PBX1: variants seen among roughly 807,000 people sequenced by gnomAD.
The protein encoded by PBX1 is PBX homeobox 1.
A neutral mutation model predicts 53.4 loss-of-function variants in PBX1; 6 were observed. That is an observed-to-expected ratio of 0.11 (90% CI 0.06 to 0.22). The LOEUF (loss-of-function observed/expected upper bound fraction) is 0.22, where lower values mean the gene tolerates loss of function less well. PBX1 is among the 10% of genes least tolerant of loss of function. PBX1 has a pLI of 1.00. For synonymous variants in PBX1, 204 were observed against 212.3 expected, an observed-to-expected ratio of 0.96 and a Z score of 0.34; for missense variants, 251 against 551.4, an observed-to-expected ratio of 0.46 and a Z score of 5.46.
intron 3 of PBX1, among the ~76,000 whole-genome samples, chr1:164,793,872 C>CTTTTTTTTTTTTTTTTTTTTTTTT (rs72414989): frequency 7.7e-5 from 6 of 78,212 alleles, no homozygotes; most frequent in Non-Finnish European, 9.9e-5. Flanking sequence ...TTTTTCCTTT[C>CTTTTTTTTTTTTTTTTTTTTTTTT]TTTTTTTTTT....
chr1:164,850,930 G>A lies in PBX1; in HGVS notation c.*4254G>A, dbSNP rs187111912. 1.4e-5 allele frequency: 3 copies of A among 212,786 alleles called. No homozygotes were observed. Among genetic ancestry groups the A allele is most frequent in the Non-Finnish European group, 2.9e-5 (3 of 105,152 alleles). The allele number at this position is 212,786 out of a possible 1,614,324, so 13.2% of individuals were successfully genotyped here. ...CATGAGGCCTCTTCCAACCAAAGAG[G>A]CCTTTTCTTCCAGGAGAGTCCCGCA... On this transcript the variant is annotated 3_prime_UTR_variant, in exon 9 of 9. Transcript: ENST00000420696.
intron 2 of PBX1, among the ~76,000 whole-genome samples, chr1:164,606,839 A>C (rs1656593176): frequency 6.6e-6 from 1 of 152,252 alleles, no homozygotes; most frequent in South Asian, 2.1e-4. Context: ...ACTAATATTA[A>C]TACTGCCTTA....
Position 164,780,193 on chromosome 1 carries a change from C to T in PBX1, c.266-12301C>T, listed in dbSNP as rs753964473. Among the ~76,000 whole-genome samples the T allele has an allele frequency of 5.3e-5, 8 of 152,054 alleles. No homozygotes were observed. In the East Asian group the frequency reaches 1.2e-3, roughly 22 times the overall value. ...AGACCCCCTGCTCTCCCCAAATTCC[C>T]GATTTTACCAGCATGTAAAAGCAAG... On this transcript the variant is annotated intron_variant, in intron 2 of 8. Transcript: ENST00000420696.
chr1:164,843,448 T>G (rs1009904259), intron 8 of PBX1, among the ~76,000 whole-genome samples: 1 of 152,126 alleles, frequency 6.6e-6, no homozygotes, highest in African/African-American at 2.4e-5. Flanking sequence ...GATCTGAGAC[T>G]TTAGGTACTA....
At chr1:164,664,115 T>C (rs1009162317) in intron 2 of PBX1, among the ~76,000 whole-genome samples, 4 of 152,220 alleles carry the variant, frequency 2.6e-5, no homozygotes, top group African/African-American at 9.6e-5. Flanking sequence ...TGTCTGTCTG[T>C]TCAAGAGAAG....
chr1:164,623,471 A>G (rs1657825682), intron 2 of PBX1, among the ~76,000 whole-genome samples: 1 of 152,246 alleles, frequency 6.6e-6, no homozygotes. Flanking sequence ...TCTTCTGCTT[A>G]GAGCCTTGCC....
At chr1:164,671,434 T>G (rs1033680331) in intron 2 of PBX1, among the ~76,000 whole-genome samples, 1 of 152,246 alleles carries the variant, frequency 6.6e-6, no homozygotes, top group South Asian at 2.1e-4. Context: ...TGGGCAAACT[T>G]TGTGTGTGAG....
chr1:164,878,332 A>T (rs1231031835), intron 2 of PBX1, among the ~76,000 whole-genome samples: 2 of 152,220 alleles, frequency 1.3e-5, no homozygotes, highest in East Asian at 3.8e-4. Flanking sequence ...ATTAAAATAA[A>T]TTTTTAAAAA....
At chr1:164,681,527 C>T (rs879593582) in intron 2 of PBX1, among the ~76,000 whole-genome samples, 43 of 152,262 alleles carry the variant, frequency 2.8e-4, no homozygotes, top group Admixed American at 7.2e-4. Context: ...TTCAAAGATA[C>T]ATCATCACAG....
chr1:164,755,875 A>G (rs1666487032), intron 2 of PBX1, among the ~76,000 whole-genome samples: 1 of 151,826 alleles, frequency 6.6e-6, no homozygotes, highest in South Asian at 2.1e-4. Flanking sequence ...AGCTGCCAAC[A>G]TGGCTTTCTC....
chr1:164,864,539 A>C lies in PBX1; in HGVS notation n.257+33056A>C, dbSNP rs146320381. Among the ~76,000 whole-genome samples, 149 of 152,294 alleles carry C rather than the reference A, an allele frequency of 9.8e-4. 1 individual carries two copies. Among genetic ancestry groups the C allele is most frequent in the African/African-American group, 3.5e-3 (144 of 41,558 alleles). The stretch of plus-strand genomic sequence containing the variant: ...CCCATCCCCAACCCCAACTGTCTTC[A>C]GATGGAACAGATTTTTCATAGGTAA... On this transcript the variant is annotated intron_variant and non_coding_transcript_variant, in intron 2 of 2. Transcript: ENST00000558796.
At chr1:164,770,280 C>T (rs905686268) in intron 2 of PBX1, 1 of 152,176 alleles carries the variant, frequency 6.6e-6, no homozygotes, top group African/African-American at 2.4e-5. Flanking sequence ...GAGTGACTTT[C>T]CCAAGATTAC....
At chr1:164,605,100 T>C (rs993361504) in intron 2 of PBX1, 2 of 152,046 alleles carry the variant, frequency 1.3e-5, no homozygotes, top group African/African-American at 2.4e-5. Context: ...AATGCTGTGA[T>C]GGGGATACTG....
At chr1:164,709,957 G>GC (rs1478190615) in intron 2 of PBX1, among the ~76,000 whole-genome samples, 1 of 152,344 alleles carries the variant, frequency 6.6e-6, no homozygotes, top group African/African-American at 2.4e-5. Flanking sequence ...GCCTCTTCAG[G>GC]CTGCTGGGAA....
At chr1:164,868,532 G>A (rs1406194545) in intron 2 of PBX1, among the ~76,000 whole-genome samples, 1 of 152,192 alleles carries the variant, frequency 6.6e-6, no homozygotes, top group Non-Finnish European at 1.5e-5. Context: ...CAAGCAGCAT[G>A]GTCCAAGGGA....
At chr1:164,754,301 T>C (rs1325603326) in intron 2 of PBX1, among the ~76,000 whole-genome samples, 5 of 152,222 alleles carry the variant, frequency 3.3e-5, no homozygotes, top group Admixed American at 3.3e-4. Context: ...GGGTCTGTGC[T>C]GCTGACGTTT....
intron 2 of PBX1, chr1:164,657,013 A>G (rs1660208344): frequency 6.6e-6 from 1 of 152,178 alleles, no homozygotes; most frequent in South Asian, 2.1e-4. Context: ...GACTAAAGCA[A>G]TAATATTAAG....
At chr1:164,667,935 A>T (rs1416383474) in intron 2 of PBX1, among the ~76,000 whole-genome samples, 2 of 152,210 alleles carry the variant, frequency 1.3e-5, no homozygotes, top group Non-Finnish European at 2.9e-5. Flanking sequence ...ACGGGAGGTC[A>T]GCAGGCTGTC....
intron 8 of PBX1, among the ~76,000 whole-genome samples, chr1:164,845,708 A>T (rs1671538580): frequency 6.6e-6 from 1 of 152,214 alleles, no homozygotes; most frequent in Middle Eastern, 3.4e-3. Flanking sequence ...TATTGTTGGG[A>T]TGCTCCTGGA....
Sources: gnomAD v4.1 joint callset for allele counts (sites outside exome capture counted in the v4.1 genomes callset) on GRCh38, gnomAD v4.1.1 for gene constraint, MANE v1.5 for transcripts, NCBI Gene and HGNC (gene_info 2026-07-23, HGNC 2026-07-21) for gene names.